RALGAPB: variants seen among roughly 807,000 people sequenced by gnomAD.
RALGAPB encodes the protein ral GTPase-activating protein subunit beta.
RALGAPB carries 25 observed loss-of-function variants against 161.1 expected under a neutral mutation model. The ratio of observed to expected loss-of-function variants is 0.16; its 90% CI spans 0.11 to 0.22. The LOEUF is 0.22. Ranked by LOEUF, RALGAPB falls within the 10% of genes least tolerant of loss-of-function variation. RALGAPB has a pLI of 1.00. For synonymous variants in RALGAPB, 629 were observed against 626.1 expected (o/e 1.00, Z -0.07); for missense variants, 1,391 against 1,815.2 (o/e 0.77, Z 4.25).
chr20:38,576,560 A>G lies in RALGAPB; in HGVS notation c.*1593A>G, dbSNP rs1050987689. ...CAGGTAAAGATAACCTCCTCTTTCT[A>G]TGACTCCAGTTTCCATTCAGGTTAT... On this transcript the variant is annotated 3_prime_UTR_variant, in exon 30 of 30. Transcript: ENST00000262879. 2 of 152,178 alleles carry G rather than the reference A, an allele frequency of 1.3e-5. No individual in the cohort carries two copies. The highest frequency in any genetic ancestry group is 2.9e-5 in the Non-Finnish European group (2 of 68,028). 9.4% of individuals were successfully genotyped at this position (152,178 alleles called of 1,614,324 possible). A position where few individuals can be genotyped will look rare whatever the true frequency, so the allele number is the denominator to read the frequency against.
At chr20:38,570,088 G>T in intron 27 of RALGAPB, 92 bp downstream of exon 27, 1 of 1,024,474 alleles carries the variant, frequency 9.8e-7, no homozygotes. Context: ...TAAGCCTGGT[G>T]TGGCCAGGAG....
At chr20:38,512,822 C>G (rs2086001223) in intron 6 of RALGAPB, among the ~76,000 whole-genome samples, 1 of 152,122 alleles carries the variant, frequency 6.6e-6, no homozygotes, top group African/African-American at 2.4e-5. Context: ...TGCAGTGGCG[C>G]AATCTCTGCT....
chr20:38,508,848 A>C (rs1386475578), intron 5 of RALGAPB, among the ~76,000 whole-genome samples: 1 of 152,204 alleles, frequency 6.6e-6, no homozygotes, highest in African/African-American at 2.4e-5. Context: ...ATATATATAA[A>C]AAATGTGTAG....
At chr20:38,514,929 T>G (rs1361075557) in intron 6 of RALGAPB, among the ~76,000 whole-genome samples, 1 of 152,258 alleles carries the variant, frequency 6.6e-6, no homozygotes, top group African/African-American at 2.4e-5. Flanking sequence ...ACTTACTTTC[T>G]TGAGTCTGTT....
intron 21 of RALGAPB, among the ~76,000 whole-genome samples, 184 bp downstream of exon 21, chr20:38,551,407 T>C (rs2087370844): frequency 1.3e-5 from 2 of 152,172 alleles, no homozygotes; most frequent in Non-Finnish European, 2.9e-5. Flanking sequence ...AGGAACTGCA[T>C]ATCTCTTAGA....
rs1483428197 is a variant in RALGAPB at position 38,529,008 on chromosome 20, C to T, written c.2051-2159C>T. ...GAATTAAGGAATTTTTAAAGAGTCT[C>T]TTCTGACCAATCAGTGGATTTATTA... On this transcript the variant is annotated intron_variant, in intron 13 of 29. Transcript: ENST00000262879. Among the ~76,000 whole-genome samples the T allele has an allele frequency of 4.6e-5, 7 of 152,116 alleles. No homozygotes were observed. In the East Asian group the frequency reaches 1.3e-3, roughly 29 times the overall value.
chr20:38,569,624 T>G (rs1245043085), intron 26 of RALGAPB: 2 of 377,136 alleles, frequency 5.3e-6, no homozygotes, highest in Middle Eastern at 7.5e-4. Context: ...AATTTTGTTT[T>G]TATTAATGCA....
At chr20:38,555,357 C>T (rs538830709) in intron 22 of RALGAPB, among the ~76,000 whole-genome samples, 1 of 152,268 alleles carries the variant, frequency 6.6e-6, no homozygotes, top group African/African-American at 2.4e-5. Flanking sequence ...TTTTGTATTT[C>T]AGCATGTAGC....
intron 25 of RALGAPB, 128 bp downstream of exon 25, chr20:38,565,606 A>C: frequency 3.4e-6 from 4 of 1,176,808 alleles, no homozygotes; most frequent in Non-Finnish European, 4.6e-6. Context: ...GCATTATAAC[A>C]ATATGCAGAA....
intron 18 of RALGAPB, among the ~76,000 whole-genome samples, chr20:38,542,082 G>A (rs1434723358): frequency 6.6e-6 from 1 of 152,160 alleles, no homozygotes; most frequent in Non-Finnish European, 1.5e-5. Context: ...CACATTTGTG[G>A]ACTGAATGGA....
chr20:38,513,704 G>A (rs893028181), intron 6 of RALGAPB, among the ~76,000 whole-genome samples: 4 of 151,302 alleles, frequency 2.6e-5, no homozygotes, highest in Admixed American at 6.6e-5. Flanking sequence ...GAATTGTTTC[G>A]AATAATATTT....
intron 9 of RALGAPB, among the ~76,000 whole-genome samples, chr20:38,519,523 T>C (rs1335097311): frequency 2.6e-5 from 4 of 152,196 alleles, no homozygotes; most frequent in Non-Finnish European, 4.4e-5. Flanking sequence ...AGGGAACTTA[T>C]AGATCTTTTT....
chr20:38,506,097 G>A (rs940662591), intron 5 of RALGAPB, among the ~76,000 whole-genome samples: 2 of 152,174 alleles, frequency 1.3e-5, no homozygotes, highest in Non-Finnish European at 2.9e-5. Flanking sequence ...ATGAAGGGAT[G>A]TGTATGCATT....
chr20:38,502,695 C>T (rs2085632062), intron 5 of RALGAPB, among the ~76,000 whole-genome samples: 1 of 152,206 alleles, frequency 6.6e-6, no homozygotes, highest in South Asian at 2.1e-4. Context: ...CTCTGCCTCC[C>T]ATGCTCAAGT....
intron 5 of RALGAPB, among the ~76,000 whole-genome samples, chr20:38,501,711 T>C (rs896243793): frequency 2.0e-5 from 3 of 152,136 alleles, no homozygotes; most frequent in South Asian, 2.1e-4. Context: ...AGCGTGACTT[T>C]CAAATCTTAA....
chr20:38,508,995 T>G, intron 5 of RALGAPB, 82 bp from the exon 6 acceptor site: 1 of 1,465,616 alleles, frequency 6.8e-7, no homozygotes, highest in Non-Finnish European at 9.4e-7. Flanking sequence ...GTTTCATCCA[T>G]TTTCTCTGTC....
intron 3 of RALGAPB, among the ~76,000 whole-genome samples, chr20:38,495,096 A>G (rs1600853046): frequency 6.6e-6 from 1 of 152,340 alleles, no homozygotes; most frequent in East Asian, 1.9e-4. Flanking sequence ...AATGGTAAGT[A>G]TTGGTGTTAT....
chr20:38,518,074 C>A, intron 9 of RALGAPB, 74 bp downstream of exon 9: 1 of 1,360,900 alleles, frequency 7.3e-7, no homozygotes, highest in East Asian at 2.3e-5. Context: ...TCTTTCCTAC[C>A]TGCAAGATTA....
chr20:38,532,952 T>C (rs978818274), intron 15 of RALGAPB, 93 bp downstream of exon 15: 4 of 1,363,616 alleles, frequency 2.9e-6, no homozygotes, highest in African/African-American at 2.9e-5. Flanking sequence ...TTAATGTTCA[T>C]GTTTTTTATA....
Sources: allele counts gnomAD v4.1 joint callset (sites outside exome capture counted in the v4.1 genomes callset), GRCh38; gene constraint gnomAD v4.1.1; transcripts MANE v1.5; gene names NCBI Gene and HGNC (gene_info 2026-07-23, HGNC 2026-07-21).